The following IGF1R variants were observed in gnomAD, a reference collection of about 807,000 sequenced individuals.
IGF1R encodes insulin like growth factor 1 receptor, also known as insulin-like growth factor 1 receptor.
A neutral mutation model predicts 144.6 loss-of-function variants in IGF1R; 44 were observed. The ratio of observed to expected loss-of-function variants is 0.30; its 90% confidence interval spans 0.24 to 0.39. The LOEUF is 0.39. IGF1R is among the 10% of genes least tolerant of loss of function. The pLI, the probability that IGF1R is intolerant of heterozygous loss-of-function variation, is 1.00. For missense variants in IGF1R, 1,355 were observed against 1,833.7 expected (o/e 0.74, Z 4.77); for synonymous variants, 795 against 722.8 (o/e 1.10, Z -1.60).
At chr15:98,869,968 A>G (rs572268926) in intron 2 of IGF1R, among the ~76,000 whole-genome samples, 4 of 152,198 alleles carry the variant, frequency 2.6e-5, no homozygotes, top group African/African-American at 9.7e-5. Context: ...CAATGTGTGC[A>G]TTACAAGTAT....
chr15:98,931,682 A>G (rs2015946660), intron 15 of IGF1R, among the ~76,000 whole-genome samples: 1 of 124,460 alleles, frequency 8.0e-6, no homozygotes, highest in Non-Finnish European at 1.6e-5. Context: ...ACTTGTGGAG[A>G]GGATCTTTCC....
chr15:98,903,661 T>G (rs1353391780), intron 5 of IGF1R, among the ~76,000 whole-genome samples: 2 of 152,120 alleles, frequency 1.3e-5, no homozygotes, highest in Non-Finnish European at 2.9e-5. Flanking sequence ...TGGAAACCAT[T>G]CAGATGTTCA....
At chr15:98,863,404 C>G (rs996847429) in intron 2 of IGF1R, among the ~76,000 whole-genome samples, 8 of 152,138 alleles carry the variant, frequency 5.3e-5, no homozygotes, top group African/African-American at 1.9e-4. Context: ...ATACTTGAGA[C>G]TATCTAAACA....
chr15:98,885,066 C>A (rs2013572497), intron 2 of IGF1R, among the ~76,000 whole-genome samples: 2 of 152,304 alleles, frequency 1.3e-5, no homozygotes, highest in South Asian at 4.1e-4. Flanking sequence ...CTGCTAGCTC[C>A]TACTCACTTG....
At chr15:98,886,844 C>T (rs549532968) in intron 2 of IGF1R, among the ~76,000 whole-genome samples, 72 of 152,296 alleles carry the variant, frequency 4.7e-4, no homozygotes, top group African/African-American at 1.7e-3. Flanking sequence ...CCCACACTTG[C>T]TCACGTTCTC....
At position 98,962,910 on chromosome 15, in the gene IGF1R, C is replaced by T. The variant is rs1430012983; in HGVS notation, c.*5468C>T. 2.1e-5 allele frequency: 5 copies of T among 233,554 alleles called. No individual in the cohort carries two copies. The highest frequency in any genetic ancestry group is 5.6e-5 in the Admixed American group (1 of 17,776). The allele number at this position is 233,554 out of a possible 1,614,324, so 14.5% of individuals were successfully genotyped here. ...TGTCAGTTCTGGGGCATGACTTTAG[C>T]GTTTTGTTTCTGCGAGAACATAACG... On this transcript the variant is annotated 3_prime_UTR_variant, in exon 21 of 21. Transcript: ENST00000650285.
rs186189815 is a variant in IGF1R, at chr15:98,962,873, G to A, written c.*5431G>A. 5.1e-5 allele frequency: 12 copies of A among 233,622 alleles called. No individual in the cohort carries two copies. Among genetic ancestry groups the A allele is most frequent in the Admixed American group, 2.2e-4 (4 of 17,802 alleles). The allele number at this position is 233,622 out of a possible 1,614,324, so 14.5% of individuals were successfully genotyped here. The stretch of plus-strand genomic sequence containing the variant: ...ATTGTTCAAGAACACAAACTACATC[G>A]CACTCGTCAGTTGTCAGTTCTGGGG... On this transcript the variant is annotated 3_prime_UTR_variant, in exon 21 of 21. Coordinates refer to ENST00000650285, the MANE Select transcript of IGF1R (RefSeq NM_000875.5).
chr15:98,896,935 C>T (rs2151652902), intron 4 of IGF1R, 30 bp downstream of exon 4: 1 of 1,610,934 alleles, frequency 6.2e-7, no homozygotes, highest in Middle Eastern at 1.7e-4. Flanking sequence ...GGAAAAACGG[C>T]TAGATCTCAT....
intron 2 of IGF1R, among the ~76,000 whole-genome samples, chr15:98,872,577 T>A (rs1407623529): frequency 2.0e-5 from 3 of 152,220 alleles, no homozygotes; most frequent in Non-Finnish European, 4.4e-5. Flanking sequence ...GGAGACATAC[T>A]CAGTATAGTT....
intron 5 of IGF1R, among the ~76,000 whole-genome samples, chr15:98,901,501 C>T (rs1266160598): frequency 6.6e-6 from 1 of 152,176 alleles, no homozygotes. Flanking sequence ...GTGTTGAGAC[C>T]GCTAGCAACA....
intron 2 of IGF1R, among the ~76,000 whole-genome samples, chr15:98,781,876 C>G (rs1475310371): frequency 6.6e-6 from 1 of 152,150 alleles, no homozygotes; most frequent in Non-Finnish European, 1.5e-5. Flanking sequence ...AGGTTCAAGA[C>G]TACATTAAAT....
intron 1 of IGF1R, among the ~76,000 whole-genome samples, chr15:98,678,892 C>G (rs2053115757): frequency 1.3e-5 from 2 of 149,922 alleles, no homozygotes; most frequent in Non-Finnish European, 3.0e-5. Flanking sequence ...TTGGTCTGTT[C>G]CAGGGTTCTG....
chr15:98,835,438 C>G (rs976405464), intron 2 of IGF1R, among the ~76,000 whole-genome samples: 1 of 152,186 alleles, frequency 6.6e-6, no homozygotes, highest in Non-Finnish European at 1.5e-5. Context: ...TGACTTTAAT[C>G]GTGGCTTTAA....
At chr15:98,750,162 A>G (rs907938917) in intron 2 of IGF1R, among the ~76,000 whole-genome samples, 1 of 152,136 alleles carries the variant, frequency 6.6e-6, no homozygotes, top group African/African-American at 2.4e-5. Context: ...GAGCATCTGG[A>G]AGTCTAAGGT....
chr15:98,697,611 G>T (rs1223345840), intron 1 of IGF1R, among the ~76,000 whole-genome samples: 1 of 152,034 alleles, frequency 6.6e-6, no homozygotes, highest in Non-Finnish European at 1.5e-5. Flanking sequence ...GGTTCCCCTT[G>T]GTTCTCGGTG....
chr15:98,699,300 C>T (rs2053669417), intron 1 of IGF1R, among the ~76,000 whole-genome samples: 1 of 152,174 alleles, frequency 6.6e-6, no homozygotes, highest in Non-Finnish European at 1.5e-5. Flanking sequence ...CCTCGGAAGG[C>T]CTCATGGTGA....
chr15:98,753,223 G>C (rs1393237557), intron 2 of IGF1R, among the ~76,000 whole-genome samples: 4 of 131,558 alleles, frequency 3.0e-5, no homozygotes, highest in Non-Finnish European at 4.9e-5. Flanking sequence ...GAGCCATTAC[G>C]TCCAGCCTTT....
chr15:98,736,487 T>C (rs1049179843), intron 2 of IGF1R, among the ~76,000 whole-genome samples: 3 of 152,182 alleles, frequency 2.0e-5, no homozygotes, highest in Admixed American at 1.3e-4. Context: ...GCTGTCTGTT[T>C]ACAGGGTGAT....
intron 1 of IGF1R, among the ~76,000 whole-genome samples, chr15:98,696,544 G>C (rs2053601789): frequency 6.6e-6 from 1 of 152,198 alleles, no homozygotes; most frequent in South Asian, 2.1e-4. Context: ...CCAAGAAAAT[G>C]GGCACATCCC....
Sources: gnomAD v4.1 joint callset for allele counts (sites outside exome capture counted in the v4.1 genomes callset) on GRCh38, gnomAD v4.1.1 for gene constraint, MANE v1.5 for transcripts, NCBI Gene and HGNC (gene_info 2026-07-23, HGNC 2026-07-21) for gene names.